The following LANCL2 variants were observed in gnomAD, a reference collection of about 807,000 sequenced individuals.
LANCL2 encodes LanC like glutathione S-transferase 2.
A neutral mutation model predicts 56.9 loss-of-function variants in LANCL2; 33 were observed. The observed-to-expected ratio is 0.58, with a 90% CI of 0.44 to 0.78. The LOEUF (loss-of-function observed/expected upper bound fraction) is 0.78, where lower values mean the gene tolerates loss of function less well. Ranked by LOEUF, LANCL2 falls within the 30% of genes least tolerant of loss-of-function variation. LANCL2 has a pLI of 0.00. For synonymous variants in LANCL2, 233 were observed against 228.2 expected (o/e 1.02, Z -0.19); for missense variants, 562 against 580.2 (o/e 0.97, Z 0.32).
Position 55,366,037 on chromosome 7 carries a change from C to T in LANCL2, c.12C>T (p.Thr4=), listed in dbSNP as rs552128173. ...GTACCGCGGCGGAGATGGGCGAGAC[C>T]ATGTCAAAGAGGCTGAAGCTCCACC... MGE[T]MSKRLKLHLG... The change falls in exon 1 of 9, where the codon ACC becomes ACT. Residue 4 remains threonine, a synonymous_variant. Coordinates refer to ENST00000254770, the MANE Select transcript of LANCL2 (RefSeq NM_018697.4). The T allele has an allele frequency of 7.4e-6, 11 of 1,490,174 alleles. No individual in the cohort carries two copies. The highest frequency in any genetic ancestry group is 1.7e-4 in the Middle Eastern group (1 of 5,720). The allele number at this position is 1,490,174 out of a possible 1,614,324, so 92.3% of individuals were successfully genotyped here. A position where few individuals can be genotyped will look rare whatever the true frequency, so the allele number is the denominator to read the frequency against.
chr7:55,397,515 T>A (rs1335283592), intron 2 of LANCL2, among the ~76,000 whole-genome samples: 1 of 66,126 alleles, frequency 1.5e-5, no homozygotes. Context: ...GAGTAGGATA[T>A]TATTAGACAA....
chr7:55,392,023 T>G (rs1477817105), intron 2 of LANCL2, 113 bp downstream of exon 2: 1 of 620,750 alleles, frequency 1.6e-6, no homozygotes, highest in Non-Finnish European at 2.9e-6. Flanking sequence ...CCAGGCACGG[T>G]GGCTGACGCC....
intron 5 of LANCL2, among the ~76,000 whole-genome samples, chr7:55,402,403 G>A (rs1341656160): frequency 1.3e-4 from 15 of 117,610 alleles, no homozygotes; most frequent in Non-Finnish European, 3.6e-5. Flanking sequence ...CCTCCCGGAC[G>A]GGGCGGCTGG....
chr7:55,407,650 T>G (rs1345130377), intron 5 of LANCL2, among the ~76,000 whole-genome samples: 2 of 152,222 alleles, frequency 1.3e-5, no homozygotes, highest in Non-Finnish European at 2.9e-5. Flanking sequence ...AAGGTCTGAC[T>G]AGAACAAAAT....
chr7:55,394,916 A>G (rs1790232042), intron 2 of LANCL2, among the ~76,000 whole-genome samples: 1 of 152,202 alleles, frequency 6.6e-6, no homozygotes, highest in East Asian at 1.9e-4. Context: ...TAGAACAGGC[A>G]TGGCTTGCGG....
chr7:55,405,171 G>C (rs1481752937), intron 5 of LANCL2, among the ~76,000 whole-genome samples: 2 of 145,064 alleles, frequency 1.4e-5, no homozygotes, highest in African/African-American at 5.1e-5. Context: ...CGAGTCAGAA[G>C]ACTGAGACCC....
rs145143898 is a variant in LANCL2 at position 55,367,585 on chromosome 7, C to T, written c.204+1356C>T. ...ACAAAAGAAAAATACAAAAATTAGC[C>T]GAGCGTGGTGGTGGACGCCTGTTCA... is the stretch of plus-strand genomic sequence containing the variant. On this transcript the variant is annotated intron_variant, in intron 1 of 8. Coordinates refer to ENST00000254770, the MANE Select transcript of LANCL2 (RefSeq NM_018697.4). 3.1e-3 allele frequency among the ~76,000 whole-genome samples: 469 copies of T among 152,270 alleles called. 3 individuals are homozygous for T. The highest frequency in any genetic ancestry group is 0.01 in the African/African-American group (434 of 41,552).
chr7:55,366,144 C>T lies in LANCL2; in HGVS notation c.119C>T (p.Ala40Val), dbSNP rs761809104. 1.2e-5 allele frequency: 18 copies of T among 1,551,374 alleles called. No individual in the cohort carries two copies. In the South Asian group the frequency reaches 1.8e-4, roughly 15 times the overall value. ...GAGGCCGCCGCCGGGGCGCTGCTCG[C>T]CTCCGGAGCGGCCGAAGAGACAGGC... ...DYEAAAGALL[A>V]SGAAEETGCV... Residue 40 changes from alanine (A) to valine (V), a missense_variant, in exon 1 of 9, where the codon GCC becomes GTC. By Grantham distance (64) the Ala-to-Val change is moderately conservative. Transcript: ENST00000254770.
At chr7:55,402,738 C>T (rs1314121164) in intron 5 of LANCL2, among the ~76,000 whole-genome samples, 4 of 125,830 alleles carry the variant, frequency 3.2e-5, no homozygotes, top group Admixed American at 1.4e-4. Context: ...GGCTGCCGGG[C>T]GGAGACGCTC....
At chr7:55,405,971 G>A (rs1240178359) in intron 5 of LANCL2, among the ~76,000 whole-genome samples, 3 of 152,180 alleles carry the variant, frequency 2.0e-5, no homozygotes, top group Non-Finnish European at 4.4e-5. Context: ...GCAGAACTAC[G>A]ATTCAGAAAT....
At chr7:55,403,455 G>GAGAGGAGGGAGAGGA (rs1790366589) in intron 5 of LANCL2, among the ~76,000 whole-genome samples, 1 of 151,454 alleles carries the variant, frequency 6.6e-6, no homozygotes, top group African/African-American at 2.4e-5. Context: ...GAGGGAGAGG[G>GAGAGGAGGGAGAGGA]AGAGGAGGGA....
intron 6 of LANCL2, among the ~76,000 whole-genome samples, chr7:55,418,959 A>G (rs899198500): frequency 6.6e-6 from 1 of 152,122 alleles, no homozygotes; most frequent in Admixed American, 6.5e-5. Context: ...TTGCATTCCT[A>G]GTATAAACCT....
intron 1 of LANCL2, among the ~76,000 whole-genome samples, chr7:55,390,778 C>CAA (rs556762101): frequency 0.18 from 24,289 of 138,482 alleles, 2,047 homozygotes; most frequent in Middle Eastern, 0.27. Flanking sequence ...AAAACTGTCT[C>CAA]AAAAAAAAAA....
chr7:55,396,297 T>C (rs1265712206), intron 2 of LANCL2, among the ~76,000 whole-genome samples: 1 of 151,834 alleles, frequency 6.6e-6, no homozygotes, highest in African/African-American at 2.4e-5. Context: ...TTCTCATAGG[T>C]TCGGGGGAAG....
At chr7:55,406,953 G>A (rs754246163) in intron 5 of LANCL2, among the ~76,000 whole-genome samples, 41 of 152,158 alleles carry the variant, frequency 2.7e-4, no homozygotes, top group Non-Finnish European at 4.6e-4. Flanking sequence ...CGGTGCCCAC[G>A]AGAAGCAAGT....
intron 5 of LANCL2, among the ~76,000 whole-genome samples, chr7:55,402,429 A>G (rs868723204): frequency 9.5e-6 from 1 of 105,480 alleles, no homozygotes; most frequent in African/African-American, 3.8e-5. Context: ...CGGGGGGCTG[A>G]CCCCACCACC....
At chr7:55,424,791 A>G (rs576322559) in intron 6 of LANCL2, among the ~76,000 whole-genome samples, 3 of 152,348 alleles carry the variant, frequency 2.0e-5, no homozygotes, top group Admixed American at 2.0e-4. Flanking sequence ...CTGTATTTAC[A>G]GTCGCTCCCC....
chr7:55,369,088 A>G (rs1318338085), intron 1 of LANCL2, among the ~76,000 whole-genome samples: 1 of 152,226 alleles, frequency 6.6e-6, no homozygotes, highest in Admixed American at 6.5e-5. Context: ...AGAAACTAGG[A>G]GAGGCAAGGA....
At chr7:55,415,803 C>T (rs112582477) in intron 6 of LANCL2, among the ~76,000 whole-genome samples, 8 of 151,646 alleles carry the variant, frequency 5.3e-5, no homozygotes, top group Non-Finnish European at 1.0e-4. Context: ...TTAGTAGAGA[C>T]GGGGTTTCAC....
Sources: gnomAD v4.1 joint callset for allele counts (sites outside exome capture counted in the v4.1 genomes callset) on GRCh38, gnomAD v4.1.1 for gene constraint, MANE v1.5 for transcripts, NCBI Gene and HGNC (gene_info 2026-07-23, HGNC 2026-07-21) for gene names.